ACOXL: variants seen among roughly 807,000 people sequenced by gnomAD.
ACOXL encodes the protein acyl-CoA oxidase like, also known as acyl-coenzyme A oxidase-like protein.
Under a neutral mutation model 71.9 loss-of-function variants are expected in ACOXL, and 70 were observed. The ratio of observed to expected loss-of-function variants is 0.97; its 90% CI spans 0.80 to 1.19. The LOEUF is 1.19. ACOXL is among the 50% of genes most tolerant of loss of function. The pLI is 0.00. For synonymous variants in ACOXL, 253 were observed against 281.6 expected, an observed-to-expected ratio of 0.90 and a Z score of 1.02; for missense variants, 703 against 736.3, an observed-to-expected ratio of 0.95 and a Z score of 0.52.
intron 12 of ACOXL, among the ~76,000 whole-genome samples, chr2:110,938,278 G>A (rs1558758358): frequency 1.3e-5 from 2 of 152,206 alleles, no homozygotes; most frequent in African/African-American, 2.4e-5. Flanking sequence ...GGGTCTCAGT[G>A]AGGATGCAGG....
intron 17 of ACOXL, among the ~76,000 whole-genome samples, chr2:111,095,343 A>T (rs1259199135): frequency 6.6e-6 from 1 of 151,798 alleles, no homozygotes; most frequent in East Asian, 1.9e-4. Context: ...GAAGGAAATG[A>T]ACTTTCATAT....
chr2:111,013,475 A>G (rs1166075867), intron 14 of ACOXL, among the ~76,000 whole-genome samples: 2 of 147,362 alleles, frequency 1.4e-5, no homozygotes, highest in East Asian at 4.0e-4. Context: ...GTGAGCTGAG[A>G]TCACCCCACT....
chr2:111,096,415 G>T (rs2068804511), intron 17 of ACOXL, among the ~76,000 whole-genome samples: 1 of 151,768 alleles, frequency 6.6e-6, no homozygotes. Context: ...GCTAATTTTT[G>T]TATTTTTAGT....
intron 9 of ACOXL, among the ~76,000 whole-genome samples, chr2:110,829,378 A>G (rs889691880): frequency 1.3e-5 from 2 of 152,064 alleles, no homozygotes; most frequent in Non-Finnish European, 2.9e-5. Flanking sequence ...GGGCATGCTG[A>G]TCTTCCCTTA....
At chr2:110,967,802 T>C in intron 12 of ACOXL, 3 of 798,652 alleles carry the variant, frequency 3.8e-6, no homozygotes, top group Non-Finnish European at 6.3e-6. Context: ...AGGTCTCTGT[T>C]GAGCCACGGA....
chr2:111,100,900 A>G (rs1368128786), intron 17 of ACOXL: 5 of 152,652 alleles, frequency 3.3e-5, no homozygotes, highest in Non-Finnish European at 7.3e-5. Context: ...TGAGATTCTG[A>G]CTGTATCTGC....
chr2:110,838,159 G>T (rs1371285804), intron 9 of ACOXL, among the ~76,000 whole-genome samples: 1 of 152,202 alleles, frequency 6.6e-6, no homozygotes, highest in Non-Finnish European at 1.5e-5. Context: ...GCATGTATGT[G>T]TACTTGCATA....
chr2:110,986,233 A>T (rs1450083248), intron 12 of ACOXL, among the ~76,000 whole-genome samples: 2 of 152,258 alleles, frequency 1.3e-5, no homozygotes, highest in African/African-American at 2.4e-5. Flanking sequence ...CAAACATAAC[A>T]TTTTATATAA....
intron 12 of ACOXL, among the ~76,000 whole-genome samples, chr2:110,979,878 G>T (rs947710032): frequency 6.6e-6 from 1 of 152,198 alleles, no homozygotes; most frequent in African/African-American, 2.4e-5. Context: ...ATTGGTTCAG[G>T]CTTTGCAGAA....
At chr2:110,850,479 A>T (rs547553213) in intron 10 of ACOXL, among the ~76,000 whole-genome samples, 1 of 152,334 alleles carries the variant, frequency 6.6e-6, no homozygotes, top group South Asian at 2.1e-4. Flanking sequence ...ACCAAACAAG[A>T]TGCATAGATG....
intron 3 of ACOXL, among the ~76,000 whole-genome samples, chr2:110,791,632 A>G (rs1365700480): frequency 6.6e-6 from 1 of 152,218 alleles, no homozygotes; most frequent in Non-Finnish European, 1.5e-5. Flanking sequence ...TCTTCCCAGG[A>G]TACTTTATGA....
chr2:111,055,696 G>GA, intron 16 of ACOXL, among the ~76,000 whole-genome samples: 1 of 152,234 alleles, frequency 6.6e-6, no homozygotes, highest in Non-Finnish European at 1.5e-5. Context: ...CCTCCACATG[G>GA]AAAAAAGGGG....
chr2:110,800,656 G>A (rs1375859891), intron 7 of ACOXL, among the ~76,000 whole-genome samples: 1 of 152,074 alleles, frequency 6.6e-6, no homozygotes, highest in East Asian at 1.9e-4. Flanking sequence ...AAAAAAGAAG[G>A]AAGAGAAGAG....
chr2:110,750,461 A>G (rs1678778111), intron 1 of ACOXL, among the ~76,000 whole-genome samples: 1 of 151,848 alleles, frequency 6.6e-6, no homozygotes, highest in Non-Finnish European at 1.5e-5. Context: ...AGTTTCTTTT[A>G]TTTGAGAACG....
At chr2:110,911,734 T>TG (rs2059658492) in intron 11 of ACOXL, among the ~76,000 whole-genome samples, 1 of 152,050 alleles carries the variant, frequency 6.6e-6, no homozygotes, top group Admixed American at 6.5e-5. Context: ...AAGTCATCTG[T>TG]GAAAAACCCA....
chr2:110,754,070 A>ATTTT lies in ACOXL; in HGVS notation c.-22-14281_-22-14278dup, dbSNP rs558367497. ...TGTGTGTGTGTGTGTAGTTCTGTGA[A>ATTTT]TTTTTTTTTTTTTTTTTTTTGAGAT... On this transcript the variant is annotated intron_variant, in intron 1 of 17. Coordinates refer to ENST00000439055, the MANE Select transcript of ACOXL (RefSeq NM_001142807.4). Among the ~76,000 whole-genome samples the ATTTT allele has an allele frequency of 7.3e-3, 880 of 119,846 alleles. 24 individuals are homozygous for ATTTT. The highest frequency in any genetic ancestry group is 0.023 in the African/African-American group (742 of 31,770). 78.6% of individuals were successfully genotyped at this position (119,846 alleles called of 152,430 possible).
At chr2:110,915,336 T>TATATATATATATATATATATA (rs1558721442) in intron 11 of ACOXL, among the ~76,000 whole-genome samples, 32 of 130,774 alleles carry the variant, frequency 2.4e-4, no homozygotes, top group Non-Finnish European at 4.2e-4. Context: ...TATATGCATT[T>TATATATATATATATATATATA]TATATATATA....
At chr2:110,973,277 T>C (rs1335506140) in intron 12 of ACOXL, among the ~76,000 whole-genome samples, 2 of 152,196 alleles carry the variant, frequency 1.3e-5, no homozygotes, top group Non-Finnish European at 1.5e-5. Context: ...ATGCAAAGCA[T>C]GGAATGAAAT....
At chr2:110,979,777 A>G (rs370782502) in intron 12 of ACOXL, among the ~76,000 whole-genome samples, 7 of 152,174 alleles carry the variant, frequency 4.6e-5, no homozygotes, top group Admixed American at 3.9e-4. Flanking sequence ...TCAGATTGCC[A>G]TGGGCAGTGG....
Sources: allele counts gnomAD v4.1 joint callset (sites outside exome capture counted in the v4.1 genomes callset), GRCh38; gene constraint gnomAD v4.1.1; transcripts MANE v1.5; gene names NCBI Gene and HGNC (gene_info 2026-07-23, HGNC 2026-07-21).